Variants in JAKMIP3 observed in about 807,000 individuals in gnomAD.
The protein encoded by JAKMIP3 is Janus kinase and microtubule interacting protein 3, also known as janus kinase and microtubule-interacting protein 3.
In JAKMIP3, 58 loss-of-function variants were observed where a neutral mutation model predicts 118.5. The ratio of observed to expected loss-of-function variants is 0.49; its 90% confidence interval spans 0.40 to 0.61. The LOEUF is 0.61. Ranked by LOEUF, JAKMIP3 falls within the 20% of genes least tolerant of loss-of-function variation. The pLI is 0.00. For missense variants in JAKMIP3, 950 were observed against 1,109.0 expected, an observed-to-expected ratio of 0.86 and a Z score of 2.04; for synonymous variants, 486 against 451.2, an observed-to-expected ratio of 1.08 and a Z score of -0.98.
At chr10:132,048,443 G>T (rs1160848540) in intron 1 of JAKMIP3, among the ~76,000 whole-genome samples, 1 of 152,138 alleles carries the variant, frequency 6.6e-6, no homozygotes, top group East Asian at 1.9e-4. Context: ...GTTTGTTTAT[G>T]TCAGTAGGGA....
At position 132,162,721 on chromosome 10, in the gene JAKMIP3, G is replaced by A. The variant is rs1465042250; in HGVS notation, c.2221-488G>A. Reference sequence around the variant, plus strand: ...TAAGAAAAGCTTTGAAATATACAGAGCAAACTGCCAAACCCCAGGAATTCA... The same window carrying A: ...TAAGAAAAGCTTTGAAATATACAGAACAAACTGCCAAACCCCAGGAATTCA... On this transcript the variant is annotated intron_variant, in intron 19 of 23. Coordinates refer to ENST00000684848, the MANE Select transcript of JAKMIP3 (RefSeq NM_001323087.2). 3.9e-5 allele frequency among the ~76,000 whole-genome samples: 5 copies of A among 127,554 alleles called. No individual in the cohort carries two copies. The East Asian group carries it at 1.1e-3, about 28-fold the overall frequency. 83.7% of individuals were successfully genotyped at this position (127,554 alleles called of 152,430 possible).
Position 132,149,485 on chromosome 10 carries a change from T to C in JAKMIP3, c.1922T>C (p.Val641Ala). 4 of 1,598,698 alleles carry C rather than the reference T, an allele frequency of 2.5e-6. No individual in the cohort carries two copies. Among genetic ancestry groups the C allele is most frequent in the East Asian group, 4.5e-5 (2 of 44,288 alleles). Residue 641 changes from valine (V) to alanine (A), a missense_variant, in exon 15 of 24, where the codon GTG (valine) becomes GCG (alanine). By Grantham distance (64) the Val-to-Ala change is moderately conservative. Coordinates refer to ENST00000684848, the MANE Select transcript of JAKMIP3 (RefSeq NM_001323087.2). The part of the protein sequence containing the change: ...PFVDGKSPLQ[V>A]YCEAEGVTDI... ...GTGGACGGGAAGAGCCCCCTCCAGG[T>C]GTACTGCGAGGCCGAAGGTGTGACG...
intron 23 of JAKMIP3, among the ~76,000 whole-genome samples, chr10:132,177,322 A>T (rs1458418109): frequency 1.3e-5 from 2 of 152,274 alleles, no homozygotes; most frequent in Non-Finnish European, 2.9e-5. Context: ...CAGATACAAA[A>T]TGAAACCAGG....
chr10:132,097,928 C>CCTTCCTTTTCTTT (rs2044182695), intron 1 of JAKMIP3, among the ~76,000 whole-genome samples: 1 of 20,452 alleles, frequency 4.9e-5, no homozygotes, highest in Non-Finnish European at 1.1e-4. Context: ...CCCTTTCCTT[C>CCTTCCTTTTCTTT]CCCTTCCCCT....
At chr10:132,163,706 A>T (rs189741712) in intron 20 of JAKMIP3, among the ~76,000 whole-genome samples, 158 of 152,326 alleles carry the variant, frequency 1.0e-3, no homozygotes, top group Non-Finnish European at 2.0e-3. Flanking sequence ...CCTGGTGGCC[A>T]TGCCTGTCAA....
At chr10:132,145,637 G>T (rs2054456634) in intron 13 of JAKMIP3, 57 bp downstream of exon 13, 1 of 1,436,496 alleles carries the variant, frequency 7.0e-7, no homozygotes, top group African/African-American at 1.4e-5. Context: ...CCTGGGGGTT[G>T]CAGTGGTCCC....
intron 1 of JAKMIP3, among the ~76,000 whole-genome samples, chr10:132,050,886 A>T (rs1369955496): frequency 6.6e-6 from 1 of 151,898 alleles, no homozygotes; most frequent in Non-Finnish European, 1.5e-5. Flanking sequence ...GTGAGTGGGT[A>T]CCTGCCTGTC....
chr10:132,118,238 G>C lies in JAKMIP3; in HGVS notation c.633+664G>C, dbSNP rs896531667. On this transcript the variant is annotated intron_variant, in intron 3 of 23. Coordinates refer to ENST00000684848, the MANE Select transcript of JAKMIP3 (RefSeq NM_001323087.2). The surrounding 1 kb of genome is among the most constrained non-coding windows in gnomAD (Gnocchi z 4.8). Reference sequence around the variant, plus strand: ...TGCAGCCTAATAGCTCCAGAGACCTGGGCACCCATGGCAGGCACCAGGAGA... The same window carrying C: ...TGCAGCCTAATAGCTCCAGAGACCTCGGCACCCATGGCAGGCACCAGGAGA... Among the ~76,000 whole-genome samples, 3 of 152,170 alleles carry C rather than the reference G, an allele frequency of 2.0e-5. No individual in the cohort carries two copies. Among genetic ancestry groups the C allele is most frequent in the Admixed American group, 6.5e-5 (1 of 15,284 alleles).
At chr10:132,159,564 G>T (rs1342657999) in intron 19 of JAKMIP3, among the ~76,000 whole-genome samples, 2 of 123,830 alleles carry the variant, frequency 1.6e-5, no homozygotes, top group Admixed American at 1.6e-4. Context: ...GTGATGCTGG[G>T]GGGGCGTGTC....
intron 23 of JAKMIP3, among the ~76,000 whole-genome samples, chr10:132,177,892 C>T (rs944366461): frequency 5.4e-5 from 6 of 111,670 alleles, no homozygotes; most frequent in Non-Finnish European, 7.3e-5. Flanking sequence ...CTGGGTAGTG[C>T]GTGTGTGTGC....
chr10:132,117,127 G>A lies in JAKMIP3; in HGVS notation c.186G>A (p.Glu62=), dbSNP rs1421553981. The A allele has an allele frequency of 6.2e-7, 1 of 1,613,478 alleles. No homozygotes were observed. Among genetic ancestry groups the A allele is most frequent in the Non-Finnish European group, 8.5e-7 (1 of 1,179,712 alleles). ...ACCAGGAGCTGCGGCAGGTGCGCGA[G>A]CATGAGCAGCATAAGACCGCGGTCT... ...EKNQELRQVR[E]HEQHKTAVLL... is the part of the protein sequence containing the mutation. The change falls in exon 3 of 24, where the codon GAG becomes GAA. Residue 62 remains glutamate, a synonymous_variant. Transcript: ENST00000684848. The surrounding 1 kb of genome is among the most constrained non-coding windows in gnomAD (Gnocchi z 8.6).
At chr10:132,113,647 T>C (rs2047192576) in intron 2 of JAKMIP3, among the ~76,000 whole-genome samples, 1 of 152,084 alleles carries the variant, frequency 6.6e-6, no homozygotes, top group Non-Finnish European at 1.5e-5. Flanking sequence ...CTTTGTGGAG[T>C]TTTCCTTTTG....
chr10:132,167,503 C>G (rs955817247), intron 22 of JAKMIP3, among the ~76,000 whole-genome samples: 15 of 152,172 alleles, frequency 9.9e-5, no homozygotes, highest in Non-Finnish European at 2.1e-4. Flanking sequence ...AGGGCTTGGT[C>G]TCCCTGCCAG....
chr10:132,159,482 C>T (rs1297640848), intron 19 of JAKMIP3, among the ~76,000 whole-genome samples: 3 of 121,388 alleles, frequency 2.5e-5, no homozygotes, highest in African/African-American at 9.8e-5. Context: ...CTGTGTAATG[C>T]TGGAGGAGGC....
At chr10:132,167,767 A>T (rs1330630453) in intron 22 of JAKMIP3, among the ~76,000 whole-genome samples, 186 bp from the exon 23 acceptor site, 1 of 151,326 alleles carries the variant, frequency 6.6e-6, no homozygotes, top group Non-Finnish European at 1.5e-5. Flanking sequence ...AGCCAAGTGG[A>T]GTCTCCCTGA....
chr10:132,144,796 G>A (rs1415472857), intron 11 of JAKMIP3: 3 of 271,120 alleles, frequency 1.1e-5, no homozygotes, highest in African/African-American at 6.8e-5. Context: ...GGGTGTGGTG[G>A]TGCATACCTG....
chr10:132,131,210 G>A (rs549664539), intron 3 of JAKMIP3, among the ~76,000 whole-genome samples: 173 of 150,184 alleles, frequency 1.2e-3, no homozygotes, highest in Admixed American at 2.5e-3. Context: ...GTGGGGAGAC[G>A]GGAGTTCAGG....
intron 3 of JAKMIP3, among the ~76,000 whole-genome samples, chr10:132,127,203 A>G (rs188923853): frequency 9.4e-5 from 14 of 148,630 alleles, no homozygotes; most frequent in African/African-American, 3.2e-4. Flanking sequence ...ACATCTTCCC[A>G]CTTATTGACA....
intron 1 of JAKMIP3, among the ~76,000 whole-genome samples, chr10:132,048,667 C>CTTTTTTTTTTTTTT (rs35729418): frequency 7.7e-6 from 1 of 129,804 alleles, no homozygotes; most frequent in Non-Finnish European, 1.6e-5. Context: ...TGTTTCTTTT[C>CTTTTTTTTTTTTTT]TTTTTTTTTT....
Sources: allele counts gnomAD v4.1 joint callset (sites outside exome capture counted in the v4.1 genomes callset), GRCh38; gene constraint gnomAD v4.1.1; non-coding constraint Gnocchi (gnomAD v3.1); transcripts MANE v1.5; gene names NCBI Gene and HGNC (gene_info 2026-07-23, HGNC 2026-07-21).